The following CSGALNACT1 variants were observed in gnomAD, a reference collection of about 807,000 sequenced individuals.
CSGALNACT1 encodes the protein beta4GalNAcT-1.
CSGALNACT1 carries 52 observed loss-of-function variants against 51.0 expected under a neutral mutation model. The observed-to-expected ratio is 1.02, with a 90% confidence interval of 0.82 to 1.29. The LOEUF (loss-of-function observed/expected upper bound fraction) is 1.29. Ranked by LOEUF, CSGALNACT1 falls within the 50% of genes most tolerant of loss-of-function variation. CSGALNACT1 has a pLI of 0.00. For synonymous variants in CSGALNACT1, 341 were observed against 254.4 expected (o/e 1.34, Z -3.24); for missense variants, 935 against 679.2 (o/e 1.38, Z -4.19).
At chr8:19,643,277 T>A (rs1457481031) in intron 1 of CSGALNACT1, among the ~76,000 whole-genome samples, 1 of 152,184 alleles carries the variant, frequency 6.6e-6, no homozygotes, top group Non-Finnish European at 1.5e-5. Flanking sequence ...AAAGTGTCAA[T>A]ATTCCTAATC....
intron 5 of CSGALNACT1, among the ~76,000 whole-genome samples, chr8:19,448,244 T>G (rs569374835): frequency 6.6e-6 from 1 of 152,326 alleles, no homozygotes; most frequent in African/African-American, 2.4e-5. Context: ...TTATGTGGTC[T>G]AGGGAATCGT....
intron 1 of CSGALNACT1, among the ~76,000 whole-genome samples, chr8:19,691,166 C>T (rs1347984467): frequency 6.6e-6 from 1 of 152,190 alleles, no homozygotes; most frequent in Non-Finnish European, 1.5e-5. Flanking sequence ...AGGCAAGAGG[C>T]CACGCCCGAA....
chr8:19,624,049 G>A (rs187019102), intron 1 of CSGALNACT1, among the ~76,000 whole-genome samples: 167 of 152,322 alleles, frequency 1.1e-3, no homozygotes, highest in African/African-American at 3.9e-3. Context: ...CAGTGGCATA[G>A]TAAATTACGT....
intron 1 of CSGALNACT1, among the ~76,000 whole-genome samples, chr8:19,624,128 T>TC (rs1279088638): frequency 6.6e-6 from 1 of 152,162 alleles, no homozygotes; most frequent in Non-Finnish European, 1.5e-5. Context: ...CCACCATCGG[T>TC]CCCTAGACTA....
rs1429596072 is a variant in CSGALNACT1, at chr8:19,609,945, G to C, written c.-543-8080C>G. Among the ~76,000 whole-genome samples the C allele has an allele frequency of 2.6e-5, 4 of 152,084 alleles. No individual in the cohort carries two copies. In the South Asian group the frequency reaches 8.3e-4, roughly 32 times the overall value. ...TTTTAAATAACATGGAAGAGGCCGG[G>C]CACGGTGGCTCACGCCTGTAATCCC... On this transcript the variant is annotated intron_variant, in intron 1 of 9. Transcript: ENST00000332246.
At chr8:19,605,026 G>A (rs999906442), upstream of CSGALNACT1, among the ~76,000 whole-genome samples, 2 of 151,950 alleles carry the variant, frequency 1.3e-5, no homozygotes, top group African/African-American at 4.8e-5. Context: ...TTGGCCTCAG[G>A]AACACAGCCC....
chr8:19,693,514 T>A (rs1428311470), intron 1 of CSGALNACT1, among the ~76,000 whole-genome samples: 1 of 152,210 alleles, frequency 6.6e-6, no homozygotes, highest in Non-Finnish European at 1.5e-5. Flanking sequence ...TTTTATTGCA[T>A]GGGCCATGAC....
At chr8:19,603,911 T>C (rs2050962535), upstream of CSGALNACT1, among the ~76,000 whole-genome samples, 1 of 152,216 alleles carries the variant, frequency 6.6e-6, no homozygotes, top group African/African-American at 2.4e-5. Flanking sequence ...CTCCAGCAAC[T>C]TGAAGAACTG....
chr8:19,491,457 G>A (rs1313230887), intron 4 of CSGALNACT1, among the ~76,000 whole-genome samples: 1 of 152,170 alleles, frequency 6.6e-6, no homozygotes. Flanking sequence ...GATAGAAACA[G>A]TTTATGCTCT....
intron 1 of CSGALNACT1, among the ~76,000 whole-genome samples, chr8:19,672,502 T>G (rs902145348): frequency 1.3e-5 from 2 of 152,240 alleles, no homozygotes; most frequent in Non-Finnish European, 2.9e-5. Flanking sequence ...TTTCCCTGAA[T>G]GCCTTTAGGA....
chr8:19,555,210 G>T (rs1367197388), intron 3 of CSGALNACT1, among the ~76,000 whole-genome samples: 4 of 152,036 alleles, frequency 2.6e-5, no homozygotes, highest in Non-Finnish European at 5.9e-5. Flanking sequence ...TTGCACTCCA[G>T]CCTGGGTGAC....
At chr8:19,471,827 T>A (rs76341759) in intron 4 of CSGALNACT1, among the ~76,000 whole-genome samples, 1 of 152,200 alleles carries the variant, frequency 6.6e-6, no homozygotes, top group Non-Finnish European at 1.5e-5. Context: ...TAAGTCTAAC[T>A]TGCTCCAGGT....
intron 1 of CSGALNACT1, among the ~76,000 whole-genome samples, chr8:19,701,153 G>GTTTTTTTGT (rs2061847492): frequency 3.2e-5 from 3 of 93,280 alleles, no homozygotes; most frequent in East Asian, 3.4e-4. Flanking sequence ...TCTATTATCC[G>GTTTTTTTGT]TTTTTTTTTT....
At chr8:19,571,860 AT>A (rs2043121840) in intron 3 of CSGALNACT1, among the ~76,000 whole-genome samples, 1 of 152,226 alleles carries the variant, frequency 6.6e-6, no homozygotes, top group Non-Finnish European at 1.5e-5. Flanking sequence ...ACATGCCTGA[AT>A]TTCCTAAAAG....
chr8:19,679,709 C>A (rs1033064477), intron 1 of CSGALNACT1, among the ~76,000 whole-genome samples: 1 of 152,190 alleles, frequency 6.6e-6, no homozygotes, highest in African/African-American at 2.4e-5. Flanking sequence ...TATTCACCAG[C>A]TACCCACAAA....
intron 1 of CSGALNACT1, among the ~76,000 whole-genome samples, chr8:19,669,660 G>A (rs1257751198): frequency 6.6e-6 from 1 of 152,044 alleles, no homozygotes; most frequent in Non-Finnish European, 1.5e-5. Context: ...TTTTAGTAGA[G>A]ATGGGGGTTT....
chr8:19,549,315 C>G (rs2087304727), intron 3 of CSGALNACT1, among the ~76,000 whole-genome samples: 1 of 152,014 alleles, frequency 6.6e-6, no homozygotes, highest in African/African-American at 2.4e-5. Flanking sequence ...CTAACTAAGC[C>G]CAATGATGCA....
At chr8:19,559,893 A>C (rs1055301945) in intron 3 of CSGALNACT1, among the ~76,000 whole-genome samples, 1 of 152,208 alleles carries the variant, frequency 6.6e-6, no homozygotes, top group Admixed American at 6.5e-5. Context: ...GAACTTGACT[A>C]AGTTGATTGT....
In CSGALNACT1 at chr8:19,701,720, T is replaced by A. The variant is rs570702728; in HGVS notation, c.-297+56130A>T. ...ACAATGTTAATATCTATGCAGCGCA[T>A]CCTACATGTCACGTACTGAAGCCCA... On this transcript the variant is annotated intron_variant, in intron 1 of 1. Coordinates refer to the CSGALNACT1 transcript ENST00000517494. 5.3e-5 allele frequency among the ~76,000 whole-genome samples: 8 copies of A among 152,286 alleles called. No homozygotes were observed. The South Asian group carries it at 1.0e-3, about 20-fold the overall frequency.
Sources: allele counts gnomAD v4.1 joint callset (sites outside exome capture counted in the v4.1 genomes callset), GRCh38; gene constraint gnomAD v4.1.1; transcripts MANE v1.5; gene names NCBI Gene and HGNC (gene_info 2026-07-23, HGNC 2026-07-21).